The following ZDHHC7 variants were observed in gnomAD, a reference collection of about 807,000 sequenced individuals.
ZDHHC7 encodes the protein palmitoyltransferase ZDHHC7.
Under a neutral mutation model 34.1 loss-of-function variants are expected in ZDHHC7, and 12 were observed. That is an observed-to-expected ratio of 0.35 (90% CI 0.23 to 0.57). The LOEUF (loss-of-function observed/expected upper bound fraction) is 0.57. Among genes scored for constraint, ZDHHC7 ranks in the 20% least tolerant of loss-of-function variants. The pLI is 0.84. For synonymous variants in ZDHHC7, 185 were observed against 155.4 expected (o/e 1.19, Z -1.42); for missense variants, 388 against 402.7 (o/e 0.96, Z 0.31).
chr16:85,021,495 G>A, the ZDHHC7 span, among the ~76,000 whole-genome samples: 3 of 150,838 alleles, frequency 2.0e-5, no homozygotes, highest in Admixed American at 6.6e-5. Context: ...GATCAACTGC[G>A]GCCAGGAGTT....
intron 1 of ZDHHC7, among the ~76,000 whole-genome samples, chr16:85,006,851 C>G (rs956727895): frequency 3.3e-5 from 5 of 150,880 alleles, no homozygotes; most frequent in African/African-American, 1.2e-4. Context: ...ACATTCCCCA[C>G]TCTCTTCCAT....
chr16:85,003,367 G>A (rs540096035), intron 1 of ZDHHC7, among the ~76,000 whole-genome samples: 3 of 152,320 alleles, frequency 2.0e-5, no homozygotes, highest in Admixed American at 6.5e-5. Context: ...GTCAAGGTGG[G>A]GAAGGCTACA....
At chr16:85,009,810 G>A (rs376031805) in intron 1 of ZDHHC7, among the ~76,000 whole-genome samples, 1 of 148,724 alleles carries the variant, frequency 6.7e-6, no homozygotes, top group East Asian at 2.0e-4. Flanking sequence ...CCGGGTTCAC[G>A]TGATTCTCTT....
At chr16:85,005,333 A>C (rs937893098) in intron 1 of ZDHHC7, among the ~76,000 whole-genome samples, 7 of 152,234 alleles carry the variant, frequency 4.6e-5, no homozygotes, top group African/African-American at 1.7e-4. Context: ...TGCTAACAAT[A>C]CATTTAGCCC....
At chr16:85,015,765 G>C (rs1420801469), upstream of ZDHHC7, among the ~76,000 whole-genome samples, 1 of 151,718 alleles carries the variant, frequency 6.6e-6, no homozygotes, top group Non-Finnish European at 1.5e-5. Context: ...AGGACTGCTT[G>C]AGCCCAGGAA....
At chr16:85,016,627 T>A in the ZDHHC7 span, among the ~76,000 whole-genome samples, 1 of 151,508 alleles carries the variant, frequency 6.6e-6, no homozygotes, top group Non-Finnish European at 1.5e-5. Context: ...GTTAATTTTT[T>A]TTTTTTTTTA....
At chr16:85,007,726 G>C (rs1237946040) in intron 1 of ZDHHC7, among the ~76,000 whole-genome samples, 1 of 152,038 alleles carries the variant, frequency 6.6e-6, no homozygotes, top group Admixed American at 6.6e-5. Flanking sequence ...AGCTCTCCCT[G>C]TGGCCTGTGT....
At chr16:85,015,629 T>C (rs530616300), upstream of ZDHHC7, among the ~76,000 whole-genome samples, 24 of 152,092 alleles carry the variant, frequency 1.6e-4, no homozygotes, top group Admixed American at 4.6e-4. Context: ...GGCAGGAGGA[T>C]AGCTTGAGGC....
chr16:84,982,683 T>G (rs2072386173), intron 3 of ZDHHC7, among the ~76,000 whole-genome samples: 1 of 152,238 alleles, frequency 6.6e-6, no homozygotes, highest in Admixed American at 6.5e-5. Context: ...CTCAAAGGCA[T>G]TCACACACAA....
the ZDHHC7 span, among the ~76,000 whole-genome samples, chr16:85,022,230 A>G: frequency 2.0e-5 from 3 of 149,444 alleles, no homozygotes; most frequent in African/African-American, 7.4e-5. Context: ...CAATAGAATT[A>G]GAAAACTCAG....
At chr16:84,998,654 G>T (rs906978209) in intron 1 of ZDHHC7, among the ~76,000 whole-genome samples, 1 of 151,982 alleles carries the variant, frequency 6.6e-6, no homozygotes, top group Non-Finnish European at 1.5e-5. Flanking sequence ...TCCCTCAGGG[G>T]TCGCTTTTCC....
chr16:84,988,681 T>C, intron 3 of ZDHHC7: 2 of 1,240,314 alleles, frequency 1.6e-6, no homozygotes, highest in Non-Finnish European at 2.3e-6. Flanking sequence ...AAGGGGCAAG[T>C]GCGCTTGTCA....
Position 84,990,598 on chromosome 16 carries a change from C to T in ZDHHC7, c.21G>A (p.Arg7=), listed in dbSNP as rs2072497164. The change falls in exon 3 of 8, where the codon AGG becomes AGA. Residue 7 remains arginine, a synonymous_variant. Transcript: ENST00000313732. MQPSGH[R]LRDVEHHPLL... ...GAGGATGATGCTCGACGTCCCGGAG[C>T]CTGTGTCCTGATGGCTGCATGATTT... 1 of 1,613,796 alleles carries T rather than the reference C, an allele frequency of 6.2e-7. No individual in the cohort carries two copies. The highest frequency in any genetic ancestry group is 1.3e-5 in the African/African-American group (1 of 75,022).
intron 3 of ZDHHC7, chr16:84,988,977 G>A: frequency 8.5e-7 from 1 of 1,172,746 alleles, no homozygotes; most frequent in Non-Finnish European, 1.2e-6. Flanking sequence ...CAAACAAGGG[G>A]TTTCTGCTGC....
chr16:84,984,825 A>C (rs2072416158), intron 3 of ZDHHC7, among the ~76,000 whole-genome samples: 1 of 151,986 alleles, frequency 6.6e-6, no homozygotes, highest in African/African-American at 2.4e-5. Context: ...TTTCATCCTG[A>C]GCCTTTCGAG....
upstream of ZDHHC7, among the ~76,000 whole-genome samples, chr16:85,015,843 AAAAAAG>A (rs1272708772): frequency 1.4e-4 from 21 of 152,132 alleles, no homozygotes; most frequent in African/African-American, 3.1e-4. Context: ...TCTCAAAAAA[AAAAAAG>A]AAAAAGAAAA....
intron 1 of ZDHHC7, among the ~76,000 whole-genome samples, chr16:85,010,731 G>A (rs998950010): frequency 2.6e-4 from 39 of 152,352 alleles, no homozygotes; most frequent in African/African-American, 9.1e-4. Flanking sequence ...CAGGAGAGGT[G>A]AGCCTTACTG....
chr16:85,014,265 T>C (rs1003717075), upstream of ZDHHC7, among the ~76,000 whole-genome samples: 2 of 152,184 alleles, frequency 1.3e-5, no homozygotes, highest in African/African-American at 4.8e-5. Flanking sequence ...AGCATGGAAG[T>C]CACTGTATGG....
the ZDHHC7 span, among the ~76,000 whole-genome samples, chr16:85,019,416 T>C: frequency 1.3e-5 from 2 of 151,882 alleles, no homozygotes; most frequent in Non-Finnish European, 2.9e-5. Flanking sequence ...ACCCTGCCTC[T>C]AAAAAGAAGT....
Sources: gnomAD v4.1 joint callset for allele counts (sites outside exome capture counted in the v4.1 genomes callset) on GRCh38, gnomAD v4.1.1 for gene constraint, MANE v1.5 for transcripts, NCBI Gene and HGNC (gene_info 2026-07-23, HGNC 2026-07-21) for gene names.